Variants in UBE3B observed in about 807,000 individuals in gnomAD.
UBE3B encodes ubiquitin-protein ligase E3B.
UBE3B carries 80 observed loss-of-function variants against 132.3 expected under a neutral mutation model. The observed-to-expected ratio is 0.60, with a 90% CI of 0.50 to 0.73. The LOEUF (loss-of-function observed/expected upper bound fraction) is 0.73. Ranked by LOEUF, UBE3B falls within the 30% of genes least tolerant of loss-of-function variation. The probability of loss-of-function intolerance (pLI) is 0.00; values close to 1 mark genes in which losing one functional copy is unlikely to be tolerated. For missense variants in UBE3B, 1,196 were observed against 1,362.5 expected, an observed-to-expected ratio of 0.88 and a Z score of 1.92; for synonymous variants, 487 against 520.4, an observed-to-expected ratio of 0.94 and a Z score of 0.87.
intron 19 of UBE3B, among the ~76,000 whole-genome samples, chr12:109,517,422 A>C (rs764313914): frequency 6.6e-6 from 1 of 152,208 alleles, no homozygotes; most frequent in African/African-American, 2.4e-5. Context: ...AACTACCACT[A>C]TACGGTGACT....
chr12:109,533,677 C>A lies in UBE3B; in HGVS notation c.3015+119C>A, dbSNP rs779186103. On this transcript the variant is annotated intron_variant, in intron 27 of 27. Transcript: ENST00000342494. ...CTCAGCAAGGCAGGCAGCTGGACCCCTCAGAGCCAAGTGAGGAGGGCCCCA... is the reference window on the plus strand; with the variant it reads ...CTCAGCAAGGCAGGCAGCTGGACCCATCAGAGCCAAGTGAGGAGGGCCCCA... 6 of 1,045,200 alleles carry A rather than the reference C, an allele frequency of 5.7e-6. No individual in the cohort carries two copies. In the Admixed American group the frequency reaches 1.1e-4, roughly 19 times the overall value. 64.7% of individuals were successfully genotyped at this position (1,045,200 alleles called of 1,614,324 possible). A position where few individuals can be genotyped will look rare whatever the true frequency, so the allele number is the denominator to read the frequency against.
chr12:109,482,075 T>C (rs932185677), intron 2 of UBE3B, among the ~76,000 whole-genome samples: 6 of 152,208 alleles, frequency 3.9e-5, no homozygotes, highest in African/African-American at 1.4e-4. Context: ...TTATTGTCCT[T>C]ATTAATACTA....
intron 11 of UBE3B, among the ~76,000 whole-genome samples, chr12:109,498,588 C>T (rs147749542): frequency 1.3e-5 from 2 of 152,148 alleles, no homozygotes; most frequent in Non-Finnish European, 2.9e-5. Flanking sequence ...AGATGTCAGC[C>T]TTTAGCTTCC....
chr12:109,538,677 C>T (rs572694451), downstream of UBE3B, among the ~76,000 whole-genome samples: 2 of 152,340 alleles, frequency 1.3e-5, no homozygotes, highest in African/African-American at 4.8e-5. The surrounding 1 kb of genome is among the most constrained non-coding windows in gnomAD (Gnocchi z 4.1). Flanking sequence ...TCCAGAGTGG[C>T]TCCTGCTGCT....
chr12:109,528,524 C>A (rs1478001348), intron 24 of UBE3B: 1 of 983,168 alleles, frequency 1.0e-6, no homozygotes, highest in African/African-American at 1.7e-5. Flanking sequence ...TGGTGAGAGT[C>A]ATACGTGGGC....
intron 6 of UBE3B, among the ~76,000 whole-genome samples, chr12:109,487,575 C>T (rs1468404144): frequency 1.3e-5 from 2 of 152,202 alleles, no homozygotes; most frequent in East Asian, 1.9e-4. Flanking sequence ...ACCAGAATGC[C>T]TTAGGGCCAA....
the UBE3B span, among the ~76,000 whole-genome samples, chr12:109,541,764 C>G: frequency 1.3e-5 from 2 of 152,194 alleles, no homozygotes; most frequent in African/African-American, 4.8e-5. Context: ...TGGGGAGAAG[C>G]CTGCCCTGCC....
chr12:109,489,243 T>A (rs1162765724), intron 7 of UBE3B, among the ~76,000 whole-genome samples: 1 of 152,184 alleles, frequency 6.6e-6, no homozygotes, highest in African/African-American at 2.4e-5. Context: ...AAACAGGCAT[T>A]AAATAGATGT....
chr12:109,526,010 T>G (rs915266237), intron 23 of UBE3B, among the ~76,000 whole-genome samples: 1 of 152,230 alleles, frequency 6.6e-6, no homozygotes, highest in Non-Finnish European at 1.5e-5. Flanking sequence ...ATTTTCATCA[T>G]ATTGTTTAGT....
chr12:109,502,964 G>A (rs1680947518), intron 13 of UBE3B, 59 bp from the exon 14 acceptor site: 1 of 1,605,712 alleles, frequency 6.2e-7, no homozygotes, highest in African/African-American at 1.3e-5. Context: ...TCCTTTTCCA[G>A]GGTGGGATTT....
rs201336062 is a variant in UBE3B at position 109,486,580 on chromosome 12, CAAAAAAA to C, written c.447+22_447+28del. The stretch of plus-strand genomic sequence containing the variant: ...GATTTTCTCAAGCAGCTCAAGGTAA[CAAAAAAA>C]AAAAAAAAAAAAAAAAGCAAAACCA... On this transcript the variant is annotated splice_donor_region_variant and intron_variant, in intron 6 of 27. Coordinates refer to ENST00000342494, the MANE Select transcript of UBE3B (RefSeq NM_130466.4). 4,956 of 561,094 alleles carry C rather than the reference CAAAAAAA, an allele frequency of 8.8e-3. 16 individuals carry two copies. The highest frequency in any genetic ancestry group is 0.01 in the Non-Finnish European group (4,083 of 389,850). 34.8% of individuals were successfully genotyped at this position (561,094 alleles called of 1,614,324 possible).
intron 14 of UBE3B, among the ~76,000 whole-genome samples, chr12:109,505,857 A>G (rs1240906089): frequency 1.3e-5 from 2 of 152,198 alleles, no homozygotes; most frequent in African/African-American, 4.8e-5. Flanking sequence ...TCTTTATTCA[A>G]AACTAAATAA....
At chr12:109,543,242 C>T in the UBE3B span, among the ~76,000 whole-genome samples, 4 of 152,210 alleles carry the variant, frequency 2.6e-5, no homozygotes, top group African/African-American at 9.7e-5. Context: ...TGGAGCCAAA[C>T]AGTCTCCACA....
chr12:109,483,361 A>G lies in UBE3B; in HGVS notation c.-21-170A>G, dbSNP rs539433876. Among the ~76,000 whole-genome samples the G allele has an allele frequency of 3.3e-5, 5 of 152,260 alleles. No individual in the cohort carries two copies. The East Asian group carries it at 9.6e-4, about 29-fold the overall frequency. ...CTTGGTGAGTTGCATGAAAGAGCCT[A>G]TAGGAGGTAGGGACTTGTGCCGGAG... On this transcript the variant is annotated intron_variant, in intron 2 of 27. Coordinates refer to ENST00000342494, the MANE Select transcript of UBE3B (RefSeq NM_130466.4).
At chr12:109,526,285 C>G in intron 23 of UBE3B, 73 bp from the exon 24 acceptor site, 3 of 1,407,882 alleles carry the variant, frequency 2.1e-6, no homozygotes, top group Non-Finnish European at 3.0e-6. Flanking sequence ...TTGTGCTGGG[C>G]CCTCTCATCT....
chr12:109,534,267 G>A lies in UBE3B; in HGVS notation c.3016-324G>A, dbSNP rs966586987. On this transcript the variant is annotated intron_variant, in intron 27 of 27. Transcript: ENST00000342494. This position sits in a 1 kb window ranked among gnomAD's most constrained non-coding sequence, Gnocchi z 5.2. ...GAGGAGTGCATTCAGAAATGTTTGG[G>A]CACCTAACAGTTTTTACAGCATTCT... The A allele has an allele frequency of 2.3e-6, 3 of 1,316,106 alleles. No individual in the cohort carries two copies. The East Asian group carries it at 1.0e-4, about 46-fold the overall frequency. 81.5% of individuals were successfully genotyped at this position (1,316,106 alleles called of 1,614,324 possible). A position where few individuals can be genotyped will look rare whatever the true frequency, so the allele number is the denominator to read the frequency against.
intron 9 of UBE3B, among the ~76,000 whole-genome samples, chr12:109,492,944 G>T (rs115041378): frequency 8.6e-4 from 131 of 152,248 alleles, no homozygotes; most frequent in African/African-American, 2.4e-3. Context: ...TGGACCAGCC[G>T]CATTTTTAAG....
intron 7 of UBE3B, 113 bp from the exon 8 acceptor site, chr12:109,489,805 CA>C: frequency 2.1e-6 from 2 of 960,028 alleles, no homozygotes; most frequent in South Asian, 2.8e-5. Context: ...GGAGGCAAGC[CA>C]GGGGGTATCT....
the UBE3B span, among the ~76,000 whole-genome samples, chr12:109,544,623 C>T: frequency 6.6e-6 from 1 of 152,198 alleles, no homozygotes. Flanking sequence ...AGCCCATGCA[C>T]TCCATGTGGT....
Sources: allele counts gnomAD v4.1 joint callset (sites outside exome capture counted in the v4.1 genomes callset), GRCh38; gene constraint gnomAD v4.1.1; non-coding constraint Gnocchi (gnomAD v3.1); transcripts MANE v1.5; gene names NCBI Gene and HGNC (gene_info 2026-07-23, HGNC 2026-07-21).